The following MSH6 variants were observed in gnomAD, a reference collection of about 807,000 sequenced individuals.
MSH6 encodes mutS homolog 6, also known as DNA mismatch repair protein Msh6.
MSH6 carries 85 observed loss-of-function variants against 119.1 expected under a neutral mutation model. The observed-to-expected ratio is 0.71, with a 90% CI of 0.60 to 0.85. MSH6 has a LOEUF of 0.85. MSH6 is among the 40% of genes least tolerant of loss of function. The pLI, the probability that MSH6 is intolerant of heterozygous loss-of-function variation, is 0.00. For synonymous variants in MSH6, 830 were observed against 586.9 expected, an observed-to-expected ratio of 1.41 and a Z score of -5.99; for missense variants, 2,163 against 1,655.3, an observed-to-expected ratio of 1.31 and a Z score of -5.32.
chr2:47,808,974 G>A (rs538899162), downstream of MSH6: 2 of 482,876 alleles, frequency 4.1e-6, no homozygotes, highest in East Asian at 3.7e-5. Flanking sequence ...TAGGATTACA[G>A]GCATAAGCCA....
intron 1 of MSH6, among the ~76,000 whole-genome samples, chr2:47,785,642 C>T (rs1041278301): frequency 6.6e-6 from 1 of 152,130 alleles, no homozygotes; most frequent in Admixed American, 6.5e-5. Context: ...CGACCCTTTC[C>T]CGCAGTTTAA....
rs2020912 is a variant in MSH6, at chr2:47,800,616, T to C, written c.2633T>C (p.Val878Ala). The C allele has an allele frequency of 5.7e-3, 9,272 of 1,614,190 alleles. 45 individuals are homozygous for C. Among genetic ancestry groups the C allele is most frequent in the Middle Eastern group, 0.016 (98 of 6,062 alleles). Residue 878 changes from valine to alanine, a missense_variant, in exon 4 of 10, where the codon GTT (valine) becomes GCT (alanine). Physicochemically the swap from Val to Ala is moderately conservative, Grantham distance 64. Transcript: ENST00000234420. ...MCKIIGIMEEVADGFKSKILK... is the reference protein window; with the variant it reads ...MCKIIGIMEEAADGFKSKILK... Reference sequence around the variant, plus strand: ...AAAATTATAGGGATCATGGAAGAAGTTGCTGATGGTTTTAAGTCTAAAATC... The same window carrying C: ...AAAATTATAGGGATCATGGAAGAAGCTGCTGATGGTTTTAAGTCTAAAATC...
Position 47,795,975 on chromosome 2 carries a change from A to G in MSH6, c.539A>G (p.Asp180Gly). 2 of 1,614,192 alleles carry G rather than the reference A, an allele frequency of 1.2e-6. No individual in the cohort carries two copies. The highest frequency in any genetic ancestry group is 1.7e-6 in the Non-Finnish European group (2 of 1,180,030). Residue 180 changes from aspartate (D) to glycine (G), a missense_variant, in exon 3 of 10, where the codon GAT becomes GGT. Asp to Gly is a moderately conservative substitution (Grantham distance 94). Coordinates refer to ENST00000234420, the MANE Select transcript of MSH6 (RefSeq NM_000179.3). ...PEILRAMQRA[D>G]EALNKDKIKR... ...ATACTGAGAGCAATGCAACGTGCAG[A>G]TGAAGCCTTAAATAAAGACAAGATT...
chr2:47,807,254 G>GTTTGTT (rs1026338860), downstream of MSH6: 1 of 228,006 alleles, frequency 4.4e-6, no homozygotes, highest in African/African-American at 2.2e-5. Context: ...ATACAGGACT[G>GTTTGTT]TTTGTTTTGA....
chr2:47,791,198 G>A (rs2104116680), intron 2 of MSH6, 75 bp downstream of exon 2: 1 of 1,391,924 alleles, frequency 7.2e-7, no homozygotes, highest in Non-Finnish European at 1.0e-6. Flanking sequence ...CAGACAGGCA[G>A]ACTTTTTTCT....
intron 5 of MSH6, among the ~76,000 whole-genome samples, chr2:47,804,411 T>C (rs760749057): frequency 3.0e-4 from 45 of 152,200 alleles, no homozygotes; most frequent in Non-Finnish European, 6.2e-4. Flanking sequence ...TGGTCCCCGC[T>C]GCTCTCCTGC....
rs876658308 is a variant in MSH6 at position 47,783,482 on chromosome 2, T to G, written c.249T>G (p.Ala83=). The G allele has an allele frequency of 9.8e-6, 14 of 1,427,084 alleles. No individual in the cohort carries two copies. Among genetic ancestry groups the G allele is most frequent in the Non-Finnish European group, 1.1e-5 (12 of 1,089,868 alleles). 88.4% of individuals were successfully genotyped at this position (1,427,084 alleles called of 1,614,324 possible). Reference sequence around the variant, plus strand: ...GGCTGCGGAGATCGGTAGCGCCTGCTGCCCCCACCAGGTAGCGGGGTGGGG... The same window carrying G: ...GGCTGCGGAGATCGGTAGCGCCTGCGGCCCCCACCAGGTAGCGGGGTGGGG... ...NGGLRRSVAP[A]APTSCDFSPG... is the part of the protein sequence containing the mutation. Residue 83 remains alanine, a synonymous_variant, in exon 1 of 10, where the codon GCT becomes GCG. Coordinates refer to ENST00000234420, the MANE Select transcript of MSH6 (RefSeq NM_000179.3).
intron 1 of MSH6, chr2:47,784,068 C>T: frequency 9.9e-7 from 1 of 1,010,146 alleles, no homozygotes; most frequent in Non-Finnish European, 1.2e-6. Flanking sequence ...GAGCCGCGGT[C>T]GCCGAGACGC....
chr2:47,803,268 G>A (rs895613380), intron 4 of MSH6, 152 bp from the exon 5 acceptor site: 2 of 1,083,150 alleles, frequency 1.8e-6, no homozygotes, highest in Non-Finnish European at 2.7e-6. Flanking sequence ...CCAGATGTTA[G>A]AGGGTAAGTA....
chr2:47,797,228 C>T (rs1309309192), intron 3 of MSH6, among the ~76,000 whole-genome samples: 1 of 152,158 alleles, frequency 6.6e-6, no homozygotes, highest in African/African-American at 2.4e-5. Context: ...TCTGATCTAT[C>T]ATATTAATGA....
In MSH6 at chr2:47,799,556, A is replaced by G. The variant is rs1572723488; in HGVS notation, c.1573A>G (p.Ser525Gly). 6 of 1,614,200 alleles carry G rather than the reference A, an allele frequency of 3.7e-6. No individual in the cohort carries two copies. Among genetic ancestry groups the G allele is most frequent in the Non-Finnish European group, 5.1e-6 (6 of 1,180,024 alleles). Residue 525 changes from serine (S) to glycine (G), a missense_variant, in exon 4 of 10, where the codon AGT becomes GGT. Coordinates refer to ENST00000234420, the MANE Select transcript of MSH6 (RefSeq NM_000179.3). Reference protein sequence around the residue: ...RIITKGTQTYSVLEGDPSENY... With the variant: ...RIITKGTQTYGVLEGDPSENY... ...CATTACCAAGGGTACACAGACTTAC[A>G]GTGTGCTGGAAGGTGATCCCTCTGA...
Position 47,796,082 on chromosome 2 carries a change from T to G in MSH6, c.627+19T>G. On this transcript the variant is annotated intron_variant, in intron 3 of 9. Coordinates refer to ENST00000234420, the MANE Select transcript of MSH6 (RefSeq NM_000179.3). ...GATGGAGGTGGGACACGGCAAGCAT[T>G]CAGTTGTTATTTATGTTAGGGTGAT... 6.2e-7 allele frequency: 1 copy of G among 1,613,706 alleles called. No homozygotes were observed. Among genetic ancestry groups the G allele is most frequent in the South Asian group, 1.1e-5 (1 of 91,068 alleles).
In MSH6 at chr2:47,798,626, G is replaced by C. The variant is rs145959653; in HGVS notation, c.643G>C (p.Val215Leu). The C allele has an allele frequency of 1.2e-6, 2 of 1,610,788 alleles. No homozygotes were observed. The highest frequency in any genetic ancestry group is 2.2e-5 in the East Asian group (1 of 44,898). Residue 215 changes from valine to leucine, a missense_variant, in exon 4 of 10, where the codon GTA becomes CTA. Physicochemically the swap from Val to Leu is conservative, Grantham distance 32. Coordinates refer to ENST00000234420, the MANE Select transcript of MSH6 (RefSeq NM_000179.3). ...TGCCTGGCAGGTAGGCACAACTTAC[G>C]TAACAGATAAGAGTGAAGAAGATAA... is the stretch of plus-strand genomic sequence containing the variant. ...EEEMEVGTTY[V>L]TDKSEEDNEI...
Position 47,783,281 on chromosome 2 carries a change from G to T in MSH6, c.48G>T (p.Ala16=). The T allele has an allele frequency of 1.9e-6, 3 of 1,612,128 alleles. No individual in the cohort carries two copies. In the South Asian group the frequency reaches 3.3e-5, roughly 18 times the overall value. Residue 16 remains alanine (A), a synonymous_variant, in exon 1 of 10, where the codon GCG becomes GCT. Coordinates refer to ENST00000234420, the MANE Select transcript of MSH6 (RefSeq NM_000179.3). ...ACAGCTTCTTCCCCAAGTCTCCGGC[G>T]CTGAGTGATGCCAACAAGGCCTCGG... The part of the protein sequence containing the change: ...TLYSFFPKSP[A]LSDANKASAR...
At chr2:47,805,396 C>T (rs1383583177) in intron 6 of MSH6, among the ~76,000 whole-genome samples, 1 of 152,090 alleles carries the variant, frequency 6.6e-6, no homozygotes, top group Non-Finnish European at 1.5e-5. Context: ...AGGCTGGTCT[C>T]TTAACTCCTG....
At chr2:47,809,878 TATCA>T (rs570589558), downstream of MSH6, 1,334 of 548,590 alleles carry the variant, frequency 2.4e-3, 21 homozygotes, top group Non-Finnish European at 6.7e-4. Flanking sequence ...AACATTCACT[TATCA>T]ATGACTATGG....
At chr2:47,784,857 T>G (rs1024789050) in intron 1 of MSH6, 1 of 152,176 alleles carries the variant, frequency 6.6e-6, no homozygotes, top group African/African-American at 2.4e-5. Flanking sequence ...GACAGAGTCT[T>G]GCTCTTTTGT....
chr2:47,795,761 A>G lies in MSH6; in HGVS notation c.458-133A>G, dbSNP rs3136316. ...GCTGGGATTACAGGCGTGAGCCACC[A>G]CACCTGGCATATATATATTTTAAGA... On this transcript the variant is annotated intron_variant, in intron 2 of 9. Transcript: ENST00000234420. 614,714 of 796,858 alleles carry G rather than the reference A, an allele frequency of 0.77. 238,631 individuals are homozygous for G. Among genetic ancestry groups the G allele is most frequent in the African/African-American group, 0.93 (53,979 of 58,090 alleles). The allele number at this position is 796,858 out of a possible 1,614,324, so 49.4% of individuals were successfully genotyped here. A position where few individuals can be genotyped will look rare whatever the true frequency, so the allele number is the denominator to read the frequency against.
In MSH6 at chr2:47,800,432, G is replaced by C. The variant is rs1553413805; in HGVS notation, c.2449G>C (p.Asp817His). Residue 817 changes from aspartate to histidine, a missense_variant, in exon 4 of 10, where the codon GAT becomes CAT. By Grantham distance (81) the Asp-to-His change is moderately conservative. Transcript: ENST00000234420. ...EVVELLKKLP[D>H]LERLLSKIHN... ...TGTAGAGCTTCTAAAGAAGCTTCCA[G>C]ATCTTGAGAGGCTACTCAGTAAAAT... 1.2e-6 allele frequency: 2 copies of C among 1,614,042 alleles called. No individual in the cohort carries two copies. Among genetic ancestry groups the C allele is most frequent in the Non-Finnish European group, 1.7e-6 (2 of 1,180,018 alleles).
Sources: gnomAD v4.1 joint callset for allele counts (sites outside exome capture counted in the v4.1 genomes callset) on GRCh38, gnomAD v4.1.1 for gene constraint, MANE v1.5 for transcripts, NCBI Gene and HGNC (gene_info 2026-07-23, HGNC 2026-07-21) for gene names.